SMARCA5: variants seen among roughly 807,000 people sequenced by gnomAD.
The protein encoded by SMARCA5 is SNF2 related chromatin remodeling ATPase 5, also known as SWI/SNF-related matrix-associated actin-dependent regulator of chromatin subfamily A member 5.
SMARCA5 carries 18 observed loss-of-function variants against 140.4 expected under a neutral mutation model. The observed-to-expected ratio is 0.13, with a 90% CI of 0.09 to 0.19. SMARCA5 has a LOEUF of 0.19. Ranked by LOEUF, SMARCA5 falls within the 10% of genes least tolerant of loss-of-function variation. The pLI is 1.00. For synonymous variants in SMARCA5, 449 were observed against 419.6 expected, an observed-to-expected ratio of 1.07 and a Z score of -0.86; for missense variants, 606 against 1,276.8, an observed-to-expected ratio of 0.47 and a Z score of 8.01.
intron 4 of SMARCA5, among the ~76,000 whole-genome samples, chr4:143,525,183 C>A (rs565479172): frequency 1.3e-5 from 2 of 151,898 alleles, no homozygotes; most frequent in Non-Finnish European, 2.9e-5. Flanking sequence ...TCTCTCAGAC[C>A]AGTATATGGG....
chr4:143,530,626 C>A, intron 9 of SMARCA5, 100 bp downstream of exon 9: 1 of 750,012 alleles, frequency 1.3e-6, no homozygotes, highest in Non-Finnish European at 2.2e-6. Flanking sequence ...AACACAATGG[C>A]TTAAGAATCA....
chr4:143,521,532 A>G lies in SMARCA5; in HGVS notation c.356A>G (p.Lys119Arg), dbSNP rs371430907. The change falls in exon 3 of 24, where the codon AAG becomes AGG. Residue 119 changes from lysine (K) to arginine (R), a missense_variant. Physicochemically the swap from Lys to Arg is conservative, Grantham distance 26. Around this residue, in one of 10 missense-constraint regions of SMARCA5, gnomAD observed 110 missense variants for 287.7 expected, o/e 0.38. Coordinates refer to ENST00000283131, the MANE Select transcript of SMARCA5 (RefSeq NM_003601.4). ...CAGAAGACTCCAACTTCACCTTTGA[A>G]GATGAAACCAGGGCGCCCACGAATA... is the stretch of plus-strand genomic sequence containing the variant. ...AAQKTPTSPLKMKPGRPRIKK... is the reference protein window; with the variant it reads ...AAQKTPTSPLRMKPGRPRIKK... The G allele has an allele frequency of 5.6e-6, 9 of 1,613,816 alleles. No individual in the cohort carries two copies. The highest frequency in any genetic ancestry group is 2.2e-5 in the East Asian group (1 of 44,890).
At position 143,527,954 on chromosome 4, in the gene SMARCA5, G is replaced by C. The variant is rs1354693820; in HGVS notation, c.888G>C (p.Val296=). ...SYEMLIKEKS[V]FKKFNWRYLV... ...AAATGCTTATTAAAGAGAAGTCTGT[G>C]TTCAAAAAATTTAATTGGAGATACT... Residue 296 remains valine (V), a synonymous_variant, in exon 7 of 24, where the codon GTG becomes GTC. Transcript: ENST00000283131. 3 of 1,597,632 alleles carry C rather than the reference G, an allele frequency of 1.9e-6. No homozygotes were observed. The highest frequency in any genetic ancestry group is 2.6e-6 in the Non-Finnish European group (3 of 1,174,830).
intron 5 of SMARCA5, 148 bp downstream of exon 5, chr4:143,525,699 A>T (rs1280984597): frequency 3.4e-5 from 19 of 551,346 alleles, no homozygotes; most frequent in Non-Finnish European, 4.5e-5. Context: ...CATAAGTGTG[A>T]TCTGTATTTT....
chr4:143,548,344 T>C (rs1737571986), intron 22 of SMARCA5: 3 of 386,288 alleles, frequency 7.8e-6, no homozygotes, highest in Non-Finnish European at 1.4e-5. Context: ...TATCACTATA[T>C]GATAAGACTA....
Position 143,555,480 on chromosome 4 carries a change from CAG to C in SMARCA5, c.*2297_*2298del, listed in dbSNP as rs1330899759. On this transcript the variant is annotated 3_prime_UTR_variant, in exon 24 of 24. Transcript: ENST00000283131. ...CTGTGGAAAGTAAAGCATTCCAACA[CAG>C]GGTTTCAGTGTAGATTGTTTTGTTT... The C allele has an allele frequency of 5.5e-5, 28 of 506,366 alleles. No homozygotes were observed. The highest frequency in any genetic ancestry group is 4.9e-4 in the South Asian group (25 of 51,510). 31.4% of individuals were successfully genotyped at this position (506,366 alleles called of 1,614,324 possible). A position where few individuals can be genotyped will look rare whatever the true frequency, so the allele number is the denominator to read the frequency against.
rs1737309154 is a variant in SMARCA5, at chr4:143,536,572, T to C, written c.1389T>C (p.Phe463=). Residue 463 remains phenylalanine (F), a synonymous_variant, in exon 11 of 24, where the codon TTT becomes TTC. Transcript: ENST00000283131. The part of the protein sequence containing the change: ...LRKCCNHPYL[F]DGAEPGPPYT... ...AATGTTGTAATCATCCATATCTCTT[T>C]GATGGAGCAGAACCTGGTCCACCTT... 1.2e-6 allele frequency: 2 copies of C among 1,613,722 alleles called. No individual in the cohort carries two copies. Among genetic ancestry groups the C allele is most frequent in the South Asian group, 1.1e-5 (1 of 91,066 alleles).
intron 2 of SMARCA5, among the ~76,000 whole-genome samples, chr4:143,520,134 CT>C (rs1399610789): frequency 1.3e-5 from 2 of 152,140 alleles, no homozygotes; most frequent in South Asian, 2.1e-4. Flanking sequence ...CAGTTTTAAC[CT>C]TTTCATTCTT....
intron 13 of SMARCA5, among the ~76,000 whole-genome samples, chr4:143,539,369 C>G (rs1378870844): frequency 3.3e-5 from 5 of 152,124 alleles, no homozygotes; most frequent in African/African-American, 1.2e-4. Context: ...GTTTGATGAG[C>G]AACTAGCCTG....
intron 5 of SMARCA5, 140 bp from the exon 6 acceptor site, chr4:143,526,141 A>T: frequency 1.5e-6 from 1 of 680,464 alleles, no homozygotes; most frequent in Non-Finnish European, 2.5e-6. Flanking sequence ...ACAAACTTTG[A>T]TATATGTTAA....
chr4:143,549,918 A>T, intron 22 of SMARCA5, 79 bp from the exon 23 acceptor site: 1 of 749,230 alleles, frequency 1.3e-6, no homozygotes, highest in Non-Finnish European at 2.3e-6. Context: ...TTATCCTATT[A>T]AAACATACCT....
intron 3 of SMARCA5, among the ~76,000 whole-genome samples, chr4:143,522,525 T>A (rs1177124897): frequency 3.3e-5 from 5 of 152,210 alleles, no homozygotes; most frequent in Admixed American, 3.3e-4. Flanking sequence ...GATCTTCATC[T>A]TGAAGGGGTT....
In SMARCA5 at chr4:143,555,341, T is replaced by G. The variant is rs139509880; in HGVS notation, c.*2157T>G. 11 of 727,256 alleles carry G rather than the reference T, an allele frequency of 1.5e-5. No individual in the cohort carries two copies. Among genetic ancestry groups the G allele is most frequent in the Non-Finnish European group, 2.8e-5 (11 of 395,498 alleles). 45.1% of individuals were successfully genotyped at this position (727,256 alleles called of 1,614,324 possible). ...GCTTCAATCATTACCAAATCTATTATAGCAATCCCCACTGCCACCATATCC... is the reference window on the plus strand; with the variant it reads ...GCTTCAATCATTACCAAATCTATTAGAGCAATCCCCACTGCCACCATATCC... On this transcript the variant is annotated 3_prime_UTR_variant, in exon 24 of 24. Coordinates refer to ENST00000283131, the MANE Select transcript of SMARCA5 (RefSeq NM_003601.4).
intron 2 of SMARCA5, among the ~76,000 whole-genome samples, chr4:143,520,160 T>G (rs1034182725): frequency 1.2e-4 from 18 of 152,210 alleles, no homozygotes; most frequent in African/African-American, 4.3e-4. Context: ...GCAGTTTATC[T>G]TGATTCCAAA....
Position 143,538,662 on chromosome 4 carries a change from A to G in SMARCA5, c.1568A>G (p.Asn523Ser). 6.2e-7 allele frequency: 1 copy of G among 1,613,926 alleles called. No homozygotes were observed. The highest frequency in any genetic ancestry group is 8.5e-7 in the Non-Finnish European group (1 of 1,179,800). Residue 523 changes from asparagine (N) to serine (S), a missense_variant, in exon 12 of 24, where the codon AAT (asparagine) becomes AGT (serine). Asn to Ser is a conservative substitution (Grantham distance 46). This residue lies in a region of SMARCA5 where 68 missense variants were observed against 126.9 expected (regional missense o/e 0.54). Transcript: ENST00000283131. ...DILEDYCMWR[N>S]YEYCRLDGQT... is the part of the protein sequence containing the mutation. ...TTGGAAGATTATTGCATGTGGAGAA[A>G]TTATGAGTACTGCAGGTTGGATGGT...
chr4:143,521,586 C>G lies in SMARCA5; in HGVS notation c.410C>G (p.Ser137Cys). ...IKKDEKQNLL[S>C]VGDYRHRRTE... Reference sequence around the variant, plus strand: ...AAAGATGAGAAGCAGAACTTACTATCCGTTGGCGAGTGAGTAATAGTTTAA... The same window carrying G: ...AAAGATGAGAAGCAGAACTTACTATGCGTTGGCGAGTGAGTAATAGTTTAA... Residue 137 changes from serine (S) to cysteine (C), a missense_variant, in exon 3 of 24, where the codon TCC (serine) becomes TGC (cysteine). Transcript: ENST00000283131. 6.2e-7 allele frequency: 1 copy of G among 1,611,266 alleles called. No individual in the cohort carries two copies. Among genetic ancestry groups the G allele is most frequent in the Non-Finnish European group, 8.5e-7 (1 of 1,178,998 alleles).
chr4:143,528,923 CATT>C (rs939853711), intron 8 of SMARCA5, among the ~76,000 whole-genome samples: 2 of 151,736 alleles, frequency 1.3e-5, no homozygotes, highest in African/African-American at 2.4e-5. Flanking sequence ...AATCTTATTT[CATT>C]ATTATTATTA....
At chr4:143,540,192 C>G (rs949966949) in intron 13 of SMARCA5, among the ~76,000 whole-genome samples, 171 bp from the exon 14 acceptor site, 1 of 152,164 alleles carries the variant, frequency 6.6e-6, no homozygotes, top group African/African-American at 2.4e-5. Context: ...TGTGTTTTAT[C>G]TCAGTGTAAC....
At chr4:143,549,576 C>T (rs768097458) in intron 22 of SMARCA5, among the ~76,000 whole-genome samples, 3 of 152,054 alleles carry the variant, frequency 2.0e-5, no homozygotes, top group Non-Finnish European at 2.9e-5. Context: ...TCTAGTGATA[C>T]TTTGAAGGGA....
Sources: gnomAD v4.1 joint callset for allele counts (sites outside exome capture counted in the v4.1 genomes callset) on GRCh38, gnomAD v4.1.1 for gene constraint, gnomAD v4.1.1 regional missense constraint, MANE v1.5 for transcripts, NCBI Gene and HGNC (gene_info 2026-07-23, HGNC 2026-07-21) for gene names.